The following IL21R variants were observed in gnomAD, a reference collection of about 807,000 sequenced individuals.
IL21R encodes interleukin 21 receptor.
A neutral mutation model predicts 41.3 loss-of-function variants in IL21R; 14 were observed. The observed-to-expected ratio is 0.34, with a 90% CI of 0.22 to 0.53. The LOEUF (loss-of-function observed/expected upper bound fraction) is 0.53, where lower values mean the gene tolerates loss of function less well. IL21R is among the 20% of genes least tolerant of loss of function. The probability of loss-of-function intolerance (pLI) is 0.94; values close to 1 mark genes in which losing one functional copy is unlikely to be tolerated. For missense variants in IL21R, 588 were observed against 681.6 expected (o/e 0.86, Z 1.53); for synonymous variants, 286 against 287.6 (o/e 0.99, Z 0.05).
In IL21R at chr16:27,428,936, A is replaced by T. The variant is rs188287675; in HGVS notation, c.-16-1120A>T. 2.3e-3 allele frequency among the ~76,000 whole-genome samples: 352 copies of T among 152,308 alleles called. 3 individuals carry two copies. Among genetic ancestry groups the T allele is most frequent in the African/African-American group, 8.2e-3 (340 of 41,564 alleles). Reference sequence around the variant, plus strand: ...TTATTATTCAGTAAGAAGCCAATTTATTGATGGCTGGGTGCAGTGGCTCAT... The same window carrying T: ...TTATTATTCAGTAAGAAGCCAATTTTTTGATGGCTGGGTGCAGTGGCTCAT... On this transcript the variant is annotated intron_variant, in intron 1 of 8. Transcript: ENST00000337929.
chr16:27,423,555 CT>C (rs947881354), intron 1 of IL21R, among the ~76,000 whole-genome samples: 1 of 152,112 alleles, frequency 6.6e-6, no homozygotes, highest in Non-Finnish European at 1.5e-5. Context: ...GATGGGTGTG[CT>C]TACCTAAACA....
At chr16:27,428,416 T>C (rs1406111705) in intron 1 of IL21R, among the ~76,000 whole-genome samples, 1 of 152,232 alleles carries the variant, frequency 6.6e-6, no homozygotes, top group Non-Finnish European at 1.5e-5. Flanking sequence ...GAGGAGGATC[T>C]TCCCCTTGTG....
In IL21R at chr16:27,402,466, G is replaced by C. The variant is rs1042932277; in HGVS notation, c.-169G>C. The C allele has an allele frequency of 1.3e-5, 2 of 152,526 alleles. No individual in the cohort carries two copies. The highest frequency in any genetic ancestry group is 4.8e-5 in the African/African-American group (2 of 41,422). 9.4% of individuals were successfully genotyped at this position (152,526 alleles called of 1,614,324 possible). A position where few individuals can be genotyped will look rare whatever the true frequency, so the allele number is the denominator to read the frequency against. On this transcript the variant is annotated 5_prime_UTR_variant, in exon 1 of 9. Transcript: ENST00000337929. ...CTTATGACAGCCTGATTGGTGACTC[G>C]GGCTGGGTGTGGATTCTCACCCCAG...
intron 1 of IL21R, among the ~76,000 whole-genome samples, chr16:27,428,605 G>A (rs2087116493): frequency 6.6e-6 from 1 of 152,248 alleles, no homozygotes; most frequent in South Asian, 2.1e-4. Flanking sequence ...CAGACACAGA[G>A]CTGGTGGGTG....
At chr16:27,414,189 T>TGTGTGTGTGTGTGA (rs1318192118) in intron 1 of IL21R, among the ~76,000 whole-genome samples, 2 of 151,710 alleles carry the variant, frequency 1.3e-5, no homozygotes, top group African/African-American at 2.4e-5. Flanking sequence ...TGTGTGTGTG[T>TGTGTGTGTGTGTGA]GATCGTAATT....
intron 7 of IL21R, among the ~76,000 whole-genome samples, chr16:27,445,670 G>GAAGA (rs746566591): frequency 2.0e-5 from 3 of 152,200 alleles, no homozygotes; most frequent in Non-Finnish European, 4.4e-5. Flanking sequence ...AGGTGGTGGT[G>GAAGA]AAGAGGTGGC....
intron 3 of IL21R, 35 bp downstream of exon 3, chr16:27,434,484 C>G (rs1567366717): frequency 1.5e-6 from 2 of 1,364,370 alleles, no homozygotes; most frequent in Non-Finnish European, 2.1e-6. Context: ...CCCGGGGATG[C>G]AATTCAGGGT....
Position 27,448,668 on chromosome 16 carries a change from A to G in IL21R, c.1002A>G (p.Leu334=). The G allele has an allele frequency of 6.2e-7, 1 of 1,613,146 alleles. No homozygotes were observed. Among genetic ancestry groups the G allele is most frequent in the South Asian group, 1.1e-5 (1 of 91,082 alleles). ...SPAKRLQLTE[L]QEPAELVESD... is the part of the protein sequence containing the mutation. ...CCAAGAGGCTGCAGCTCACGGAGCTACAAGAACCAGCAGAGCTGGTGGAGT... is the reference window on the plus strand; with the variant it reads ...CCAAGAGGCTGCAGCTCACGGAGCTGCAAGAACCAGCAGAGCTGGTGGAGT... Residue 334 remains leucine (L), a synonymous_variant, in exon 9 of 9, where the codon CTA becomes CTG. Coordinates refer to ENST00000337929, the MANE Select transcript of IL21R (RefSeq NM_181078.3).
At chr16:27,404,434 G>A (rs1474833480) in intron 1 of IL21R, among the ~76,000 whole-genome samples, 2 of 152,136 alleles carry the variant, frequency 1.3e-5, no homozygotes, top group East Asian at 1.9e-4. Flanking sequence ...CAGTAGAGTA[G>A]GGGGTGGATA....
chr16:27,433,864 G>A (rs1032385715), intron 2 of IL21R, among the ~76,000 whole-genome samples: 12 of 152,100 alleles, frequency 7.9e-5, no homozygotes, highest in Non-Finnish European at 7.4e-5. Flanking sequence ...CTGTAGAGCC[G>A]AGTCCTCTTC....
chr16:27,427,476 G>C (rs1401379387), intron 1 of IL21R: 4 of 249,828 alleles, frequency 1.6e-5, no homozygotes, highest in African/African-American at 4.6e-5. Context: ...GCTCACTGCA[G>C]CCTGGACCTC....
intron 2 of IL21R, among the ~76,000 whole-genome samples, chr16:27,432,952 G>A (rs569878435): frequency 2.6e-5 from 4 of 152,302 alleles, no homozygotes; most frequent in Non-Finnish European, 5.9e-5. Context: ...TGTCTCAGCA[G>A]CCCAGACCAA....
At chr16:27,445,118 C>A in intron 6 of IL21R, 59 bp from the exon 7 acceptor site, 2 of 1,245,522 alleles carry the variant, frequency 1.6e-6, no homozygotes, top group Non-Finnish European at 2.4e-6. Context: ...ACCATGCCCA[C>A]CCCATATGGC....
intron 1 of IL21R, among the ~76,000 whole-genome samples, chr16:27,403,798 C>A (rs1244808482): frequency 1.3e-5 from 2 of 152,178 alleles, no homozygotes; most frequent in African/African-American, 2.4e-5. Flanking sequence ...CTGCTGTGGT[C>A]CTGCCTGGCC....
rs6498021 is a variant in IL21R at position 27,403,057 on chromosome 16, T to G, written c.-17+439T>G. 0.88 allele frequency: 422,847 copies of G among 481,668 alleles called. 186,163 individuals are homozygous for G. Among genetic ancestry groups the G allele is most frequent in the African/African-American group, 0.96 (49,812 of 51,816 alleles). The allele number at this position is 481,668 out of a possible 1,614,324, so 29.8% of individuals were successfully genotyped here. A position where few individuals can be genotyped will look rare whatever the true frequency, so the allele number is the denominator to read the frequency against. On this transcript the variant is annotated intron_variant, in intron 1 of 8. Transcript: ENST00000337929. ...GATTCCACCCAGTCATTCAAAACAA[T>G]GGCTGGTGTGCCCATTTCGCAGATG... is the stretch of plus-strand genomic sequence containing the variant.
Position 27,449,266 on chromosome 16 carries a change from G to A in IL21R, c.1600G>A (p.Gly534Arg). The A allele has an allele frequency of 6.2e-7, 1 of 1,603,096 alleles. No homozygotes were observed. The highest frequency in any genetic ancestry group is 8.5e-7 in the Non-Finnish European group (1 of 1,174,994). The change falls in exon 9 of 9, where the codon GGA becomes AGA. Residue 534 changes from glycine (G) to arginine (R), a missense_variant. By Grantham distance (125) the Gly-to-Arg change is moderately radical. Coordinates refer to ENST00000337929, the MANE Select transcript of IL21R (RefSeq NM_181078.3). ...VVIPPPLSSP[G>R]PQAS Reference sequence around the variant, plus strand: ...CATTCCTCCGCCACTTTCGAGCCCTGGACCCCAGGCCAGCTAATGAGGCTG... The same window carrying A: ...CATTCCTCCGCCACTTTCGAGCCCTAGACCCCAGGCCAGCTAATGAGGCTG...
chr16:27,412,371 G>A (rs914591493), intron 1 of IL21R, among the ~76,000 whole-genome samples: 1 of 150,296 alleles, frequency 6.7e-6, no homozygotes, highest in African/African-American at 2.4e-5. Flanking sequence ...GGAAATGTGA[G>A]GCCTCCAGCT....
chr16:27,419,601 T>G (rs549201725), intron 1 of IL21R, among the ~76,000 whole-genome samples: 1 of 152,314 alleles, frequency 6.6e-6, no homozygotes, highest in African/African-American at 2.4e-5. Flanking sequence ...CTAATTTTTG[T>G]ATTTTTAGTA....
intron 1 of IL21R, among the ~76,000 whole-genome samples, chr16:27,418,055 ATTTTAT>A (rs986387744): frequency 8.2e-5 from 11 of 134,254 alleles, no homozygotes; most frequent in Admixed American, 7.3e-4. Flanking sequence ...ATTTTATTTT[ATTTTAT>A]TTTATTTATG....
Sources: gnomAD v4.1 joint callset for allele counts (sites outside exome capture counted in the v4.1 genomes callset) on GRCh38, gnomAD v4.1.1 for gene constraint, MANE v1.5 for transcripts, NCBI Gene and HGNC (gene_info 2026-07-23, HGNC 2026-07-21) for gene names.